NAV3: variants seen among roughly 807,000 people sequenced by gnomAD.
The protein encoded by NAV3 is neuron navigator 3, also known as pore membrane and/or filament interacting like protein 1.
NAV3 carries 87 observed loss-of-function variants against 244.7 expected under a neutral mutation model. That is an observed-to-expected ratio of 0.36 (90% confidence interval 0.30 to 0.42). The LOEUF is 0.42. Ranked by LOEUF, NAV3 falls within the 20% of genes least tolerant of loss-of-function variation. NAV3 has a pLI of 1.00. For missense variants in NAV3, 2,663 were observed against 2,893.3 expected (o/e 0.92, Z 1.83); for synonymous variants, 1,126 against 1,042.2 (o/e 1.08, Z -1.55).
chr12:78,108,956 G>C (rs977838086), intron 12 of NAV3, among the ~76,000 whole-genome samples: 2 of 151,642 alleles, frequency 1.3e-5, no homozygotes, highest in African/African-American at 2.4e-5. Flanking sequence ...CAATAATAAA[G>C]ATCAGAAAAG....
At chr12:77,744,961 G>A (rs1002594293) in intron 2 of NAV3, among the ~76,000 whole-genome samples, 2 of 151,806 alleles carry the variant, frequency 1.3e-5, no homozygotes, top group African/African-American at 4.8e-5. Context: ...AGTGTTGTTT[G>A]GTACTAGATA....
At chr12:77,657,111 C>A (rs1460106164) in intron 2 of NAV3, among the ~76,000 whole-genome samples, 2 of 152,030 alleles carry the variant, frequency 1.3e-5, no homozygotes, top group African/African-American at 4.8e-5. Context: ...AAAATCAGAG[C>A]AGAACTGAAG....
At chr12:78,112,185 G>T (rs1020033312) in intron 12 of NAV3, among the ~76,000 whole-genome samples, 3 of 152,118 alleles carry the variant, frequency 2.0e-5, no homozygotes, top group Non-Finnish European at 4.4e-5. Context: ...AATTTAATTT[G>T]CTAGATAATA....
chr12:77,831,189 GAGAGAC>G lies in NAV3; in HGVS notation c.-267_-262del, dbSNP rs765456895. 0.31 allele frequency: 37,812 copies of G among 123,382 alleles called. 3,667 individuals carry two copies. Among genetic ancestry groups the G allele is most frequent in the East Asian group, 0.43 (2,046 of 4,710 alleles). The allele number at this position is 123,382 out of a possible 1,614,324, so 7.6% of individuals were successfully genotyped here. ...AGAGACAGAGAGAGAGAGAGAGAGA[GAGAGAC>G]AGAGAGAGAGAGAGAGAGAGAGAAA... On this transcript the variant is annotated 5_prime_UTR_variant, in exon 1 of 40. Coordinates refer to ENST00000397909, the MANE Select transcript of NAV3 (RefSeq NM_001024383.2).
intron 2 of NAV3, among the ~76,000 whole-genome samples, chr12:77,816,753 GAA>G (rs1872542238): frequency 6.6e-6 from 1 of 151,466 alleles, no homozygotes; most frequent in African/African-American, 2.4e-5. Context: ...AAACCAGAGA[GAA>G]AAAAAATCGT....
intron 2 of NAV3, among the ~76,000 whole-genome samples, chr12:77,658,580 A>G (rs976747879): frequency 6.6e-5 from 10 of 151,966 alleles, no homozygotes; most frequent in Non-Finnish European, 8.8e-5. Flanking sequence ...GCTACCAATG[A>G]CTTTCTTCAC....
chr12:77,916,920 G>A (rs977381130), intron 1 of NAV3, among the ~76,000 whole-genome samples: 2 of 151,664 alleles, frequency 1.3e-5, no homozygotes, highest in Non-Finnish European at 2.9e-5. Flanking sequence ...TCAATACCAG[G>A]AGACATAAAA....
intron 24 of NAV3, among the ~76,000 whole-genome samples, chr12:78,171,608 A>G (rs117844442): frequency 0.016 from 2,482 of 151,742 alleles, 39 homozygotes; most frequent in Non-Finnish European, 0.027. Flanking sequence ...ATTAAAACTC[A>G]GCATTAAATT....
chr12:77,713,863 C>A (rs193148571), intron 2 of NAV3, among the ~76,000 whole-genome samples: 1 of 151,990 alleles, frequency 6.6e-6, no homozygotes, highest in Non-Finnish European at 1.5e-5. Flanking sequence ...AGGTAATTAA[C>A]CATTTAGATT....
intron 2 of NAV3, among the ~76,000 whole-genome samples, chr12:77,605,295 G>A (rs1176410024): frequency 2.0e-5 from 3 of 152,054 alleles, no homozygotes; most frequent in Non-Finnish European, 4.4e-5. Flanking sequence ...TTATAATTAT[G>A]AGAATCAATA....
chr12:78,191,485 G>A (rs941604168), intron 34 of NAV3, among the ~76,000 whole-genome samples: 3 of 152,032 alleles, frequency 2.0e-5, no homozygotes, highest in African/African-American at 2.4e-5. Flanking sequence ...GTTCAAAACC[G>A]TTTTATATGT....
intron 34 of NAV3, among the ~76,000 whole-genome samples, chr12:78,191,289 G>C (rs1169714638): frequency 1.3e-5 from 2 of 152,282 alleles, no homozygotes; most frequent in Non-Finnish European, 2.9e-5. Context: ...GTATATGCAT[G>C]TGTGTGTCTG....
intron 1 of NAV3, among the ~76,000 whole-genome samples, chr12:77,935,646 T>C (rs900033078): frequency 6.6e-6 from 1 of 152,180 alleles, no homozygotes; most frequent in Non-Finnish European, 1.5e-5. Flanking sequence ...ATTCCATTGG[T>C]TGAGGTATTA....
intron 1 of NAV3, among the ~76,000 whole-genome samples, chr12:77,906,463 A>C (rs1565909128): frequency 6.6e-6 from 1 of 152,170 alleles, no homozygotes; most frequent in Non-Finnish European, 1.5e-5. Context: ...CAGTATAAAA[A>C]ACACACTGCA....
chr12:77,827,388 G>A (rs7977620), upstream of NAV3, among the ~76,000 whole-genome samples: 46,905 of 151,574 alleles, frequency 0.31, 8,235 homozygotes, highest in East Asian at 0.43. Flanking sequence ...CTTAAAAATC[G>A]TGGTTTGCAA....
At chr12:78,179,370 C>T (rs1958401471) in intron 28 of NAV3, 159 bp from the exon 29 acceptor site, 3 of 690,384 alleles carry the variant, frequency 4.3e-6, no homozygotes, top group Admixed American at 3.5e-5. Flanking sequence ...AATGCATAAC[C>T]GTTTGTAAAA....
At chr12:77,642,281 AATT>A (rs757831353) in intron 2 of NAV3, among the ~76,000 whole-genome samples, 60 of 152,126 alleles carry the variant, frequency 3.9e-4, no homozygotes, top group South Asian at 6.2e-4. Flanking sequence ...AAAAATCTTT[AATT>A]ATTATTTTTT....
intron 1 of NAV3, among the ~76,000 whole-genome samples, chr12:77,908,793 A>G (rs112921840): frequency 6.6e-6 from 1 of 152,086 alleles, no homozygotes; most frequent in Non-Finnish European, 1.5e-5. Flanking sequence ...TTTATAGATC[A>G]GATTGTTCCT....
At chr12:77,915,726 G>A (rs1036838678) in intron 1 of NAV3, among the ~76,000 whole-genome samples, 2 of 151,936 alleles carry the variant, frequency 1.3e-5, no homozygotes, top group African/African-American at 2.4e-5. Flanking sequence ...CTCTAGTAGA[G>A]CTGTAAAGAC....
Sources: gnomAD v4.1 joint callset for allele counts (sites outside exome capture counted in the v4.1 genomes callset) on GRCh38, gnomAD v4.1.1 for gene constraint, MANE v1.5 for transcripts, NCBI Gene and HGNC (gene_info 2026-07-23, HGNC 2026-07-21) for gene names.